OPCML: variants seen among roughly 807,000 people sequenced by gnomAD.
The protein encoded by OPCML is opioid-binding protein/cell adhesion molecule.
A neutral mutation model predicts 37.8 loss-of-function variants in OPCML; 13 were observed. The ratio of observed to expected loss-of-function variants is 0.34; its 90% CI spans 0.22 to 0.55. The LOEUF (loss-of-function observed/expected upper bound fraction) is 0.55. OPCML is among the 20% of genes least tolerant of loss of function. The pLI is 0.91. For synonymous variants in OPCML, 176 were observed against 168.8 expected, an observed-to-expected ratio of 1.04 and a Z score of -0.33; for missense variants, 341 against 435.6, an observed-to-expected ratio of 0.78 and a Z score of 1.93.
At chr11:133,088,012 A>G (rs1174317716) in intron 1 of OPCML, among the ~76,000 whole-genome samples, 2 of 152,372 alleles carry the variant, frequency 1.3e-5, no homozygotes, top group South Asian at 4.1e-4. Context: ...TATATGAGAA[A>G]AAGTGTGTAA....
chr11:132,506,710 C>T (rs563906494), intron 4 of OPCML, among the ~76,000 whole-genome samples: 4 of 152,064 alleles, frequency 2.6e-5, no homozygotes, highest in Non-Finnish European at 5.9e-5. Flanking sequence ...AAATATAAAT[C>T]TAACCACCAC....
At chr11:132,693,441 A>T (rs1943482149) in intron 2 of OPCML, among the ~76,000 whole-genome samples, 1 of 152,208 alleles carries the variant, frequency 6.6e-6, no homozygotes, top group African/African-American at 2.4e-5. Context: ...CAAATTGTAC[A>T]AACAACCCCT....
At chr11:132,694,893 C>T (rs1943547394) in intron 2 of OPCML, among the ~76,000 whole-genome samples, 1 of 110,144 alleles carries the variant, frequency 9.1e-6, no homozygotes, top group Admixed American at 9.9e-5. Flanking sequence ...CAGGAAATGG[C>T]AAGACTTAGA....
At chr11:132,517,073 G>T (rs776263674) in intron 4 of OPCML, among the ~76,000 whole-genome samples, 13 of 151,886 alleles carry the variant, frequency 8.6e-5, no homozygotes, top group Non-Finnish European at 1.8e-4. Flanking sequence ...TCACCTTGTG[G>T]TACCATGTAC....
At chr11:133,008,857 A>G (rs570088810) in intron 1 of OPCML, 4 of 984,094 alleles carry the variant, frequency 4.1e-6, no homozygotes, top group African/African-American at 3.5e-5. Context: ...CTGAGAGTCA[A>G]TTTTCATGGA....
At chr11:132,567,961 G>A (rs775533005) in intron 3 of OPCML, among the ~76,000 whole-genome samples, 32 of 152,184 alleles carry the variant, frequency 2.1e-4, no homozygotes, top group African/African-American at 5.5e-4. Context: ...TAGGAAGTGC[G>A]GGTGTGAGAG....
intron 1 of OPCML, among the ~76,000 whole-genome samples, chr11:133,242,470 C>T (rs1250021758): frequency 6.6e-6 from 1 of 152,046 alleles, no homozygotes; most frequent in Admixed American, 6.5e-5. Context: ...TCCAGGTATC[C>T]ATGGGGACAG....
chr11:133,231,029 C>T (rs1405182006), intron 1 of OPCML, among the ~76,000 whole-genome samples: 2 of 152,302 alleles, frequency 1.3e-5, no homozygotes, highest in East Asian at 1.9e-4. Context: ...AAGGGGCTGT[C>T]TGCCTCAATG....
At chr11:132,597,973 C>A (rs1301104351) in intron 3 of OPCML, among the ~76,000 whole-genome samples, 1 of 151,968 alleles carries the variant, frequency 6.6e-6, no homozygotes, top group Non-Finnish European at 1.5e-5. Context: ...TTCTTTTCCA[C>A]TTTACTCATT....
chr11:132,998,159 A>C (rs990637160), intron 1 of OPCML, among the ~76,000 whole-genome samples: 2 of 152,112 alleles, frequency 1.3e-5, no homozygotes, highest in South Asian at 4.2e-4. Flanking sequence ...AAACATCCCC[A>C]GTCTGTCATT....
chr11:132,828,465 T>C (rs896838680), intron 2 of OPCML, among the ~76,000 whole-genome samples: 14 of 152,148 alleles, frequency 9.2e-5, no homozygotes, highest in African/African-American at 2.4e-4. Context: ...AGAATGTTAA[T>C]GGAGGAAGAG....
intron 1 of OPCML, among the ~76,000 whole-genome samples, chr11:133,014,835 T>A (rs1947290008): frequency 6.6e-6 from 1 of 152,256 alleles, no homozygotes. Flanking sequence ...GCCCTCTCTC[T>A]CTTCTCCAAC....
At chr11:132,663,300 A>C (rs1458860068) in intron 2 of OPCML, among the ~76,000 whole-genome samples, 1 of 152,232 alleles carries the variant, frequency 6.6e-6, no homozygotes, top group Admixed American at 6.5e-5. Context: ...AATGTTTTTC[A>C]AATGGGCATC....
intron 2 of OPCML, among the ~76,000 whole-genome samples, chr11:132,752,784 T>C (rs1945880878): frequency 6.6e-6 from 1 of 152,090 alleles, no homozygotes; most frequent in African/African-American, 2.4e-5. Context: ...GAAGATAGAT[T>C]GAAGGATAGA....
chr11:132,853,503 G>T (rs2136335418), intron 2 of OPCML, among the ~76,000 whole-genome samples: 1 of 152,282 alleles, frequency 6.6e-6, no homozygotes, highest in African/African-American at 2.4e-5. Flanking sequence ...TAGGGATATA[G>T]TTCAATGTGT....
intron 2 of OPCML, among the ~76,000 whole-genome samples, chr11:132,755,718 TCACA>T (rs761527888): frequency 1.8e-4 from 27 of 152,344 alleles, no homozygotes; most frequent in Admixed American, 4.6e-4. Context: ...TTGCTATAGC[TCACA>T]CAGTTTGTCA....
chr11:133,007,225 C>G, intron 1 of OPCML: 2 of 985,370 alleles, frequency 2.0e-6, no homozygotes, highest in Non-Finnish European at 2.4e-6. Flanking sequence ...CTTTGTTGCC[C>G]CACCCTCCGT....
At chr11:133,250,491 A>G (rs1403241712) in intron 1 of OPCML, among the ~76,000 whole-genome samples, 2 of 133,022 alleles carry the variant, frequency 1.5e-5, no homozygotes, top group Non-Finnish European at 3.2e-5. Context: ...AAGAATGAAG[A>G]AAGGGAGGAA....
chr11:133,041,448 C>T (rs535482874), intron 1 of OPCML, among the ~76,000 whole-genome samples: 1 of 152,306 alleles, frequency 6.6e-6, no homozygotes, highest in East Asian at 1.9e-4. Context: ...ACCTCTCCCA[C>T]CCTCTGCAGT....
Sources: gnomAD v4.1 joint callset for allele counts (sites outside exome capture counted in the v4.1 genomes callset) on GRCh38, gnomAD v4.1.1 for gene constraint, MANE v1.5 for transcripts, NCBI Gene and HGNC (gene_info 2026-07-23, HGNC 2026-07-21) for gene names.